Variants in SNX29 observed in about 807,000 individuals in gnomAD.
SNX29 encodes sorting nexin-29.
Under a neutral mutation model 102.1 loss-of-function variants are expected in SNX29, and 78 were observed. That is an observed-to-expected ratio of 0.76 (90% confidence interval 0.64 to 0.92). The LOEUF is 0.92. SNX29 is among the 40% of genes least tolerant of loss of function. The pLI is 0.00. For synonymous variants in SNX29, 580 were observed against 414.5 expected (o/e 1.40, Z -4.85); for missense variants, 1,280 against 1,061.7 (o/e 1.21, Z -2.86).
chr16:12,088,639 C>A (rs2052339349), intron 11 of SNX29, among the ~76,000 whole-genome samples: 1 of 152,158 alleles, frequency 6.6e-6, no homozygotes. Flanking sequence ...TTGCTGGATC[C>A]CTTTTTCCAT....
intron 15 of SNX29, among the ~76,000 whole-genome samples, chr16:12,310,174 C>T (rs2080490402): frequency 6.6e-6 from 1 of 152,176 alleles, no homozygotes. Flanking sequence ...TTTACCGCTG[C>T]ACCAGCTAAA....
intron 18 of SNX29, among the ~76,000 whole-genome samples, chr16:12,411,454 G>C (rs2084395588): frequency 6.6e-6 from 1 of 152,188 alleles, no homozygotes; most frequent in Non-Finnish European, 1.5e-5. Flanking sequence ...CCTGATGTAG[G>C]TGAAAACAGA....
At position 12,096,757 on chromosome 16, in the gene SNX29, G is replaced by A. The variant is rs1180853793; in HGVS notation, c.1402+17842G>A. ...CCCGTGAAGTGGGAAATTCCTAATGGAAGTTTTAGGTTATGCAGTACAGCT... is the reference window on the plus strand; with the variant it reads ...CCCGTGAAGTGGGAAATTCCTAATGAAAGTTTTAGGTTATGCAGTACAGCT... On this transcript the variant is annotated intron_variant, in intron 11 of 20. Coordinates refer to ENST00000566228, the MANE Select transcript of SNX29 (RefSeq NM_032167.5). This position sits in a 1 kb window ranked among gnomAD's most constrained non-coding sequence, Gnocchi z 4.2. 6.6e-6 allele frequency among the ~76,000 whole-genome samples: 1 copy of A among 152,240 alleles called. No homozygotes were observed. The highest frequency in any genetic ancestry group is 2.4e-5 in the African/African-American group (1 of 41,452).
chr16:12,078,302 C>A (rs760502031), intron 10 of SNX29, among the ~76,000 whole-genome samples: 5 of 151,662 alleles, frequency 3.3e-5, no homozygotes, highest in African/African-American at 9.7e-5. Flanking sequence ...TGGCGAAACC[C>A]CATTTCTAGT....
chr16:12,144,372 G>A (rs1237670284), intron 13 of SNX29, among the ~76,000 whole-genome samples: 1 of 152,162 alleles, frequency 6.6e-6, no homozygotes, highest in African/African-American at 2.4e-5. Context: ...ATGTAGGTTT[G>A]TGCTATGGTT....
intron 13 of SNX29, among the ~76,000 whole-genome samples, chr16:12,155,158 C>T (rs1472658437): frequency 2.0e-5 from 3 of 152,106 alleles, no homozygotes; most frequent in Non-Finnish European, 4.4e-5. Flanking sequence ...CCTTCCGCGC[C>T]CAGGGGACTC....
At chr16:12,370,541 C>T (rs980429798) in intron 16 of SNX29, among the ~76,000 whole-genome samples, 1 of 152,184 alleles carries the variant, frequency 6.6e-6, no homozygotes, top group African/African-American at 2.4e-5. Flanking sequence ...GCCTGGGTGA[C>T]AGAGCGAAAC....
chr16:12,259,857 G>T (rs1261907512), intron 14 of SNX29, among the ~76,000 whole-genome samples: 56 of 150,896 alleles, frequency 3.7e-4, no homozygotes, highest in Non-Finnish European at 1.5e-5. Context: ...CCCCCTTTGA[G>T]CCCTGCTGAT....
At chr16:12,349,311 G>C (rs1172159919) in intron 15 of SNX29, among the ~76,000 whole-genome samples, 3 of 152,240 alleles carry the variant, frequency 2.0e-5, no homozygotes, top group Non-Finnish European at 4.4e-5. Context: ...AGGTCAAAGA[G>C]AGCTATGGCT....
At chr16:12,227,442 C>A (rs889837328) in intron 14 of SNX29, among the ~76,000 whole-genome samples, 2 of 152,164 alleles carry the variant, frequency 1.3e-5, no homozygotes, top group African/African-American at 4.8e-5. Context: ...CTTCAGAGTT[C>A]TTTTCATAGC....
intron 20 of SNX29, chr16:12,527,098 TAATAAAAG>T (rs2076805201): frequency 2.2e-6 from 1 of 453,118 alleles, no homozygotes; most frequent in African/African-American, 2.0e-5. Context: ...ACAGCTCTTT[TAATAAAAG>T]CTCTTTGGCT....
chr16:12,268,179 C>A (rs2078987843), intron 14 of SNX29, among the ~76,000 whole-genome samples: 1 of 152,256 alleles, frequency 6.6e-6, no homozygotes, highest in Non-Finnish European at 1.5e-5. Flanking sequence ...CTTCCTCTAG[C>A]CCTTCCTCTG....
chr16:12,318,454 T>C (rs576605996), intron 15 of SNX29, among the ~76,000 whole-genome samples: 12 of 152,240 alleles, frequency 7.9e-5, no homozygotes, highest in African/African-American at 2.9e-4. Flanking sequence ...GGATACAAAC[T>C]CAGCATGGAG....
chr16:12,383,593 C>T (rs1363181133), intron 16 of SNX29, among the ~76,000 whole-genome samples: 8 of 151,868 alleles, frequency 5.3e-5, no homozygotes, highest in Non-Finnish European at 1.5e-5. Context: ...CCCACCACCA[C>T]GCCCAGGTAA....
chr16:12,464,229 C>CGTGTGTGTGTGTGTGTGTGTGTGTGT (rs138917966), intron 18 of SNX29, among the ~76,000 whole-genome samples: 3 of 141,048 alleles, frequency 2.1e-5, no homozygotes, highest in East Asian at 4.2e-4. Context: ...TATTCCATGG[C>CGTGTGTGTGTGTGTGTGTGTGTGTGT]GTGTGTGTGT....
In SNX29 at chr16:12,341,356, G is replaced by C. The variant is rs1481592289; in HGVS notation, c.1783-14807G>C. Among the ~76,000 whole-genome samples the C allele has an allele frequency of 2.0e-5, 3 of 152,342 alleles. No homozygotes were observed. The East Asian group carries it at 5.8e-4, about 29-fold the overall frequency. The stretch of plus-strand genomic sequence containing the variant: ...ATCATGATACCTACTTCCTGTGGCT[G>C]TTGCAAAGCTGCCTTTAACAAATGT... On this transcript the variant is annotated intron_variant, in intron 15 of 20. Coordinates refer to ENST00000566228, the MANE Select transcript of SNX29 (RefSeq NM_032167.5).
chr16:12,482,649 C>T (rs922382867), intron 19 of SNX29, among the ~76,000 whole-genome samples: 1 of 152,190 alleles, frequency 6.6e-6, no homozygotes, highest in African/African-American at 2.4e-5. Context: ...GCCTTGAACC[C>T]ATTAAATGAC....
intron 13 of SNX29, among the ~76,000 whole-genome samples, chr16:12,197,026 A>G (rs1312232968): frequency 2.0e-5 from 3 of 152,192 alleles, no homozygotes; most frequent in Non-Finnish European, 2.9e-5. Flanking sequence ...AGAGTTGGAG[A>G]TGAACAGGGA....
chr16:12,533,769 C>T lies in SNX29; in HGVS notation c.2318+8928C>T, dbSNP rs1031756115. Among the ~76,000 whole-genome samples, 9 of 152,110 alleles carry T rather than the reference C, an allele frequency of 5.9e-5. No individual in the cohort carries two copies. The South Asian group carries it at 1.5e-3, about 25-fold the overall frequency. On this transcript the variant is annotated intron_variant, in intron 20 of 20. Coordinates refer to ENST00000566228, the MANE Select transcript of SNX29 (RefSeq NM_032167.5). ...GTGAATTAAGCCATTGAGTTGTCAG[C>T]AGGGAGTGGTGTGGAGTGCAGCTCA... is the stretch of plus-strand genomic sequence containing the variant.
Sources: allele counts gnomAD v4.1 joint callset (sites outside exome capture counted in the v4.1 genomes callset), GRCh38; gene constraint gnomAD v4.1.1; non-coding constraint Gnocchi (gnomAD v3.1); transcripts MANE v1.5; gene names NCBI Gene and HGNC (gene_info 2026-07-23, HGNC 2026-07-21).